SCN8A: variants seen among roughly 807,000 people sequenced by gnomAD.
The protein encoded by SCN8A is sodium channel protein type 8 subunit alpha.
SCN8A carries 30 observed loss-of-function variants against 184.1 expected under a neutral mutation model. That is an observed-to-expected ratio of 0.16 (90% CI 0.12 to 0.22). The LOEUF (loss-of-function observed/expected upper bound fraction) is 0.22, where lower values mean the gene tolerates loss of function less well. Ranked by LOEUF, SCN8A falls within the 10% of genes least tolerant of loss-of-function variation. The pLI, the probability that SCN8A is intolerant of heterozygous loss-of-function variation, is 1.00. For synonymous variants in SCN8A, 852 were observed against 907.0 expected, an observed-to-expected ratio of 0.94 and a Z score of 1.09; for missense variants, 1,057 against 2,498.9, an observed-to-expected ratio of 0.42 and a Z score of 12.30.
At chr12:51,753,291 G>C (rs1355277631) in intron 14 of SCN8A, among the ~76,000 whole-genome samples, 1 of 152,160 alleles carries the variant, frequency 6.6e-6, no homozygotes, top group African/African-American at 2.4e-5. Context: ...GCAGTGGGGA[G>C]GGAGCTTAGT....
chr12:51,800,353 A>G (rs142892825), intron 26 of SCN8A, among the ~76,000 whole-genome samples: 4,091 of 152,360 alleles, frequency 0.027, 92 homozygotes, highest in Non-Finnish European at 0.04. Flanking sequence ...TCCAAGATCT[A>G]TCTGACTTCT....
intron 11 of SCN8A, among the ~76,000 whole-genome samples, chr12:51,721,105 ATAATATTTATTTATTGT>A (rs1480442366): frequency 0.05 from 5,399 of 107,132 alleles, 150 homozygotes; most frequent in Non-Finnish European, 0.058. Context: ...ATATATATAT[ATAATATTTATTTATTGT>A]TATATATATA....
At chr12:51,793,404 G>A (rs1938320422) in intron 25 of SCN8A, among the ~76,000 whole-genome samples, 3 of 152,118 alleles carry the variant, frequency 2.0e-5, no homozygotes, top group African/African-American at 7.2e-5. Flanking sequence ...ACTGTGAGAG[G>A]CTTGGACATG....
chr12:51,705,399 T>C lies in SCN8A; in HGVS notation c.1135-18T>C. ...CATTTGGTACAAGTGACTCAGAAAA[T>C]GGCCTTTGTCTTTGCAGACTTTACG... On this transcript the variant is annotated intron_variant, in intron 9 of 26. Transcript: ENST00000627620. 6.2e-7 allele frequency: 1 copy of C among 1,612,682 alleles called. No homozygotes were observed. The highest frequency in any genetic ancestry group is 8.5e-7 in the Non-Finnish European group (1 of 1,178,926).
chr12:51,617,785 T>C (rs895065661), intron 1 of SCN8A, among the ~76,000 whole-genome samples: 1 of 152,240 alleles, frequency 6.6e-6, no homozygotes, highest in African/African-American at 2.4e-5. Flanking sequence ...AATTCCTTCC[T>C]GCCTTCTGTG....
intron 6 of SCN8A, among the ~76,000 whole-genome samples, chr12:51,690,878 A>G (rs1373376219): frequency 6.6e-6 from 1 of 152,208 alleles, no homozygotes; most frequent in East Asian, 1.9e-4. Context: ...TAGCGATGGT[A>G]GCTGACTCCC....
intron 1 of SCN8A, among the ~76,000 whole-genome samples, chr12:51,604,658 G>T (rs980516934): frequency 3.3e-5 from 5 of 152,104 alleles, no homozygotes; most frequent in Admixed American, 1.3e-4. Context: ...CTCAGAAGTA[G>T]CTGGGATTAC....
chr12:51,632,694 G>A (rs986474113), intron 1 of SCN8A, among the ~76,000 whole-genome samples: 15 of 152,276 alleles, frequency 9.9e-5, no homozygotes, highest in Non-Finnish European at 1.5e-4. Context: ...GCAAACTACA[G>A]AGAATAATAT....
intron 6 of SCN8A, chr12:51,689,895 G>T (rs1941479299): frequency 6.6e-6 from 1 of 152,098 alleles, no homozygotes; most frequent in South Asian, 2.1e-4. Flanking sequence ...TAAAATTTGT[G>T]CCTTTTTCTT....
At chr12:51,659,541 T>C (rs1940887568) in intron 1 of SCN8A, among the ~76,000 whole-genome samples, 1 of 152,212 alleles carries the variant, frequency 6.6e-6, no homozygotes, top group African/African-American at 2.4e-5. Flanking sequence ...ATGTTTATGA[T>C]GCATACGGTT....
At chr12:51,643,046 C>T (rs1940490199) in intron 1 of SCN8A, among the ~76,000 whole-genome samples, 2 of 152,058 alleles carry the variant, frequency 1.3e-5, no homozygotes, top group Non-Finnish European at 2.9e-5. Flanking sequence ...GCTTTAATGC[C>T]CTATTGTTTA....
intron 14 of SCN8A, among the ~76,000 whole-genome samples, chr12:51,752,108 A>T (rs575641539): frequency 6.6e-6 from 1 of 152,080 alleles, no homozygotes; most frequent in Non-Finnish European, 1.5e-5. Context: ...TCCCCCTCCA[A>T]TCCAACTTCT....
chr12:51,604,922 G>A (rs1268103091), intron 1 of SCN8A, among the ~76,000 whole-genome samples: 1 of 152,040 alleles, frequency 6.6e-6, no homozygotes, highest in Non-Finnish European at 1.5e-5. Flanking sequence ...CTGGGGTTTA[G>A]CATACAGATT....
intron 20 of SCN8A, among the ~76,000 whole-genome samples, chr12:51,779,219 C>CAAAAAAAAAA (rs35152992): frequency 1.6e-5 from 2 of 125,178 alleles, no homozygotes; most frequent in African/African-American, 6.3e-5. Context: ...GACTTTGTCT[C>CAAAAAAAAAA]AAAAAAAAAA....
intron 14 of SCN8A, among the ~76,000 whole-genome samples, chr12:51,761,980 C>T (rs921573928): frequency 6.6e-6 from 1 of 151,602 alleles, no homozygotes; most frequent in Non-Finnish European, 1.5e-5. Flanking sequence ...TAGTTGTATG[C>T]AAGGTGGTGA....
rs1278071952 is a variant in SCN8A, at chr12:51,721,569, G to T, written c.1659G>T (p.Ser553=). ...MNQSLLSIPG[S]PFLSRHNSKS... is the part of the protein sequence containing the mutation. ...AGTCACTGCTCAGCATCCCAGGCTCGCCCTTCCTCTCCCGCCACAACAGCA... is the reference window on the plus strand; with the variant it reads ...AGTCACTGCTCAGCATCCCAGGCTCTCCCTTCCTCTCCCGCCACAACAGCA... The change falls in exon 12 of 27, where the codon TCG becomes TCT. Residue 553 remains serine, a synonymous_variant. Coordinates refer to ENST00000627620, the MANE Select transcript of SCN8A (RefSeq NM_001330260.2). 6.2e-7 allele frequency: 1 copy of T among 1,603,502 alleles called. No individual in the cohort carries two copies. The highest frequency in any genetic ancestry group is 1.3e-5 in the African/African-American group (1 of 74,660).
chr12:51,762,640 C>T lies in SCN8A; in HGVS notation c.2508C>T (p.Asp836=), dbSNP rs772945312. 1.0e-5 allele frequency: 16 copies of T among 1,605,228 alleles called. No homozygotes were observed. The highest frequency in any genetic ancestry group is 5.2e-5 in the Admixed American group (3 of 57,930). Residue 836 remains aspartate (D), a synonymous_variant, in exon 15 of 27, where the codon GAC becomes GAT. Transcript: ENST00000627620. ...SLSLMELSLA[D]VEGLSVLRSF... ...GTTTAATGGAACTGAGTCTAGCAGA[C>T]GTGGAGGGGCTTTCAGTGCTGCGAT...
chr12:51,748,762 T>C (rs1011279627), intron 13 of SCN8A, among the ~76,000 whole-genome samples: 9 of 152,186 alleles, frequency 5.9e-5, no homozygotes, highest in African/African-American at 1.9e-4. Flanking sequence ...TTGGCTGATA[T>C]CAGCCTTTCC....
At chr12:51,725,931 T>C (rs1035679541) in intron 12 of SCN8A, among the ~76,000 whole-genome samples, 4 of 152,228 alleles carry the variant, frequency 2.6e-5, no homozygotes, top group African/African-American at 7.2e-5. Context: ...CAGTTGTGTA[T>C]ACTCACGCTT....
Sources: allele counts gnomAD v4.1 joint callset (sites outside exome capture counted in the v4.1 genomes callset), GRCh38; gene constraint gnomAD v4.1.1; transcripts MANE v1.5; gene names NCBI Gene and HGNC (gene_info 2026-07-23, HGNC 2026-07-21).